The following SLC7A2 variants were observed in gnomAD, a reference collection of about 807,000 sequenced individuals.
The protein encoded by SLC7A2 is cationic amino acid transporter 2.
SLC7A2 carries 48 observed loss-of-function variants against 58.9 expected under a neutral mutation model. The observed-to-expected ratio is 0.82, with a 90% CI of 0.65 to 1.04. SLC7A2 has a LOEUF of 1.04. Among genes scored for constraint, SLC7A2 ranks in the 50% least tolerant of loss-of-function variants. The pLI is 0.00. For missense variants in SLC7A2, 1,029 were observed against 818.8 expected (o/e 1.26, Z -3.13); for synonymous variants, 363 against 314.5 (o/e 1.15, Z -1.63).
intron 2 of SLC7A2, among the ~76,000 whole-genome samples, chr8:17,509,604 C>G (rs1302123299): frequency 6.6e-6 from 1 of 152,084 alleles, no homozygotes; most frequent in Non-Finnish European, 1.5e-5. Flanking sequence ...CCACGCCCAA[C>G]AATTTCTTTA....
chr8:17,550,556 C>G, intron 6 of SLC7A2, 122 bp downstream of exon 6: 1 of 828,046 alleles, frequency 1.2e-6, no homozygotes, highest in Non-Finnish European at 1.9e-6. Flanking sequence ...GCACTAGTTC[C>G]AGGCCCAGCT....
chr8:17,497,946 A>G (rs1196807429), intron 1 of SLC7A2, among the ~76,000 whole-genome samples: 1 of 152,194 alleles, frequency 6.6e-6, no homozygotes, highest in East Asian at 1.9e-4. Flanking sequence ...TTCAGAAAGT[A>G]CCTTTTCATC....
chr8:17,507,259 A>T (rs1171974695), intron 2 of SLC7A2, among the ~76,000 whole-genome samples: 1 of 152,074 alleles, frequency 6.6e-6, no homozygotes, highest in Non-Finnish European at 1.5e-5. Flanking sequence ...TGGAATTTTT[A>T]AATTGGGGAT....
intron 10 of SLC7A2, among the ~76,000 whole-genome samples, chr8:17,561,028 T>C (rs753182431): frequency 2.0e-5 from 3 of 152,190 alleles, no homozygotes; most frequent in Non-Finnish European, 4.4e-5. Flanking sequence ...TCACTGGCCT[T>C]TACAGGACAG....
At chr8:17,558,427 A>T (rs1802811281) in intron 9 of SLC7A2, 30 bp downstream of exon 9, 2 of 1,427,166 alleles carry the variant, frequency 1.4e-6, no homozygotes, top group Non-Finnish European at 2.0e-6. Flanking sequence ...TACAGGGTGT[A>T]CCATGCACGA....
chr8:17,495,436 T>A (rs1194308392), upstream of SLC7A2, among the ~76,000 whole-genome samples: 1 of 152,216 alleles, frequency 6.6e-6, no homozygotes, highest in Non-Finnish European at 1.5e-5. Flanking sequence ...ATAAGGAATC[T>A]TTTTTTGACT....
Position 17,562,074 on chromosome 8 carries a change from G to C in SLC7A2, c.1635G>C (p.Trp545Cys), listed in dbSNP as rs746161315. Reference protein sequence around the residue: ...VLFVAIVLTIWRQPQNQQKVA... With the variant: ...VLFVAIVLTICRQPQNQQKVA... Reference sequence around the variant, plus strand: ...TCGTTGCCATCGTTCTCACCATCTGGAGGCAGCCCCAGAATCAGCAAAAAG... The same window carrying C: ...TCGTTGCCATCGTTCTCACCATCTGCAGGCAGCCCCAGAATCAGCAAAAAG... The change falls in exon 11 of 13, where the codon TGG (tryptophan) becomes TGC (cysteine). Residue 545 changes from tryptophan to cysteine, a missense_variant. By Grantham distance (215) the Trp-to-Cys change is radical (BLOSUM62 -2). Transcript: ENST00000494857. 4 of 1,613,780 alleles carry C rather than the reference G, an allele frequency of 2.5e-6. No individual in the cohort carries two copies. Among genetic ancestry groups the C allele is most frequent in the Non-Finnish European group, 3.4e-6 (4 of 1,180,000 alleles).
intron 2 of SLC7A2, among the ~76,000 whole-genome samples, chr8:17,533,811 C>G (rs917605523): frequency 6.6e-5 from 10 of 152,182 alleles, no homozygotes; most frequent in African/African-American, 1.9e-4. Flanking sequence ...AGGTTTGTTA[C>G]ATAGGTAAAC....
At chr8:17,512,822 A>G (rs566734897) in intron 2 of SLC7A2, among the ~76,000 whole-genome samples, 11 of 152,032 alleles carry the variant, frequency 7.2e-5, no homozygotes, top group Non-Finnish European at 1.5e-4. Context: ...GCCAACCACC[A>G]TTCTACTTTC....
chr8:17,551,497 T>G (rs1802447914), intron 6 of SLC7A2, among the ~76,000 whole-genome samples: 1 of 152,202 alleles, frequency 6.6e-6, no homozygotes, highest in South Asian at 2.1e-4. Flanking sequence ...CTCGGGAGGC[T>G]GAGGCAGGAG....
chr8:17,556,248 A>C (rs1201836372), intron 8 of SLC7A2, among the ~76,000 whole-genome samples: 1 of 152,128 alleles, frequency 6.6e-6, no homozygotes, highest in South Asian at 2.1e-4. Context: ...ATTTTTTGAC[A>C]AAGAGTCATA....
At chr8:17,503,946 T>G (rs1800268428) in intron 2 of SLC7A2, among the ~76,000 whole-genome samples, 1 of 152,188 alleles carries the variant, frequency 6.6e-6, no homozygotes, top group Admixed American at 6.5e-5. Context: ...CCCTCCATCC[T>G]TAAGTCCTCA....
chr8:17,542,842 G>A (rs1306638504), intron 2 of SLC7A2, among the ~76,000 whole-genome samples: 1 of 151,990 alleles, frequency 6.6e-6, no homozygotes, highest in African/African-American at 2.4e-5. Context: ...GTAACCCCGA[G>A]GTTGAGCTAC....
rs1803300036 is a variant in SLC7A2, at chr8:17,567,096, C to A, written c.*1950C>A. On this transcript the variant is annotated 3_prime_UTR_variant, in exon 13 of 13. Coordinates refer to ENST00000494857, the MANE Select transcript of SLC7A2 (RefSeq NM_001370338.1). ...GACATTCCACAACTTCCAGGGTGCA[C>A]ATGGTAAAATCTGAAGCCCAGAATT... 6.6e-6 allele frequency: 1 copy of A among 152,570 alleles called. No individual in the cohort carries two copies. Among genetic ancestry groups the A allele is most frequent in the South Asian group, 2.1e-4 (1 of 4,820 alleles). The allele number at this position is 152,570 out of a possible 1,614,324, so 9.5% of individuals were successfully genotyped here. A position where few individuals can be genotyped will look rare whatever the true frequency, so the allele number is the denominator to read the frequency against.
At chr8:17,538,691 T>G (rs1199524259) in intron 2 of SLC7A2, 5 of 1,038,120 alleles carry the variant, frequency 4.8e-6, no homozygotes, top group Non-Finnish European at 6.9e-6. Flanking sequence ...GTTTGGACAT[T>G]GCAAAATAAA....
chr8:17,531,765 C>T (rs556010918), intron 2 of SLC7A2, among the ~76,000 whole-genome samples: 8 of 151,554 alleles, frequency 5.3e-5, no homozygotes, highest in African/African-American at 9.7e-5. Context: ...CTATAGTTGC[C>T]ATTAAATTTT....
intron 4 of SLC7A2, among the ~76,000 whole-genome samples, chr8:17,546,559 A>G (rs1478357806): frequency 1.3e-5 from 2 of 152,266 alleles, no homozygotes; most frequent in South Asian, 4.1e-4. Flanking sequence ...GGAAACTTAC[A>G]TGAAATATAA....
intron 2 of SLC7A2, among the ~76,000 whole-genome samples, chr8:17,507,355 ATGTG>A (rs531974314): frequency 1.9e-4 from 29 of 151,272 alleles, no homozygotes; most frequent in Middle Eastern, 3.4e-3. Flanking sequence ...AACTATTTAA[ATGTG>A]TGTGTGTGTG....
At chr8:17,513,778 T>C (rs17124738) in intron 2 of SLC7A2, among the ~76,000 whole-genome samples, 1 of 152,050 alleles carries the variant, frequency 6.6e-6, no homozygotes, top group Non-Finnish European at 1.5e-5. Context: ...CCAAGCAAAA[T>C]TGACTTTTTG....
Sources: gnomAD v4.1 joint callset for allele counts (sites outside exome capture counted in the v4.1 genomes callset) on GRCh38, gnomAD v4.1.1 for gene constraint, MANE v1.5 for transcripts, NCBI Gene and HGNC (gene_info 2026-07-23, HGNC 2026-07-21) for gene names.